The following LARP1B variants were observed in gnomAD, a reference collection of about 807,000 sequenced individuals.
LARP1B encodes la-related protein 1B.
A neutral mutation model predicts 114.2 loss-of-function variants in LARP1B; 76 were observed. The observed-to-expected ratio is 0.67, with a 90% CI of 0.55 to 0.81. The LOEUF is 0.81. LARP1B is among the 30% of genes least tolerant of loss of function. The pLI is 0.00. For synonymous variants in LARP1B, 345 were observed against 348.0 expected, an observed-to-expected ratio of 0.99 and a Z score of 0.10; for missense variants, 1,014 against 1,075.8, an observed-to-expected ratio of 0.94 and a Z score of 0.80.
At position 128,165,747 on chromosome 4, in the gene LARP1B, C is replaced by T. The variant is rs144069008; in HGVS notation, c.1648+3430C>T. Among the ~76,000 whole-genome samples, 75 of 152,180 alleles carry T rather than the reference C, an allele frequency of 4.9e-4. No individual in the cohort carries two copies. The Middle Eastern group carries it at 0.01, about 21-fold the overall frequency. On this transcript the variant is annotated intron_variant, in intron 12 of 19. Coordinates refer to ENST00000326639, the MANE Select transcript of LARP1B (RefSeq NM_018078.4). ...ATATATAAGAGGGGTCAAATCAGTC[C>T]TCATCTTACCTGACATCAGCATTAG...
chr4:128,166,056 A>G (rs72924421), intron 12 of LARP1B, among the ~76,000 whole-genome samples: 4,568 of 152,128 alleles, frequency 0.03, 242 homozygotes, highest in African/African-American at 0.1. Context: ...ATTTCAGACA[A>G]ATATTCAACT....
At chr4:128,204,759 C>T (rs1757085134) in intron 17 of LARP1B, among the ~76,000 whole-genome samples, 3 of 151,736 alleles carry the variant, frequency 2.0e-5, no homozygotes, top group Admixed American at 2.0e-4. Context: ...GGGATGGATA[C>T]TCCATTCCCA....
intron 11 of LARP1B, among the ~76,000 whole-genome samples, chr4:128,148,561 G>A (rs1436483329): frequency 6.6e-6 from 1 of 151,852 alleles, no homozygotes; most frequent in Non-Finnish European, 1.5e-5. Flanking sequence ...AATTTGATGG[G>A]TCTTCCTGTC....
At chr4:128,080,476 A>G (rs1000314426) in intron 4 of LARP1B, among the ~76,000 whole-genome samples, 1 of 152,162 alleles carries the variant, frequency 6.6e-6, no homozygotes, top group African/African-American at 2.4e-5. Context: ...GCCTTTTTAG[A>G]TGCATTTATA....
intron 5 of LARP1B, among the ~76,000 whole-genome samples, chr4:128,083,345 C>A (rs1485694044): frequency 6.6e-6 from 1 of 152,204 alleles, no homozygotes; most frequent in Non-Finnish European, 1.5e-5. Flanking sequence ...ACCTCCCAGA[C>A]GGGGTGGTGG....
intron 5 of LARP1B, among the ~76,000 whole-genome samples, chr4:128,085,101 T>C (rs1445892076): frequency 6.6e-6 from 1 of 152,160 alleles, no homozygotes; most frequent in Non-Finnish European, 1.5e-5. Flanking sequence ...TGACCTCAGG[T>C]GATCCACCCA....
intron 9 of LARP1B, chr4:128,108,284 A>G: frequency 9.6e-7 from 1 of 1,045,354 alleles, no homozygotes; most frequent in Non-Finnish European, 1.2e-6. Flanking sequence ...ATAAAGCAGA[A>G]AAAGAGGGGA....
intron 6 of LARP1B, 41 bp downstream of exon 6, chr4:128,091,185 G>A: frequency 6.3e-7 from 1 of 1,589,554 alleles, no homozygotes. Context: ...GATAAACTTT[G>A]AAAAAAATAG....
intron 15 of LARP1B, among the ~76,000 whole-genome samples, chr4:128,198,097 C>G (rs535268444): frequency 6.6e-6 from 1 of 152,062 alleles, no homozygotes; most frequent in African/African-American, 2.4e-5. Context: ...GTTGGCCAGG[C>G]TGGTCTCGAA....
downstream of LARP1B, among the ~76,000 whole-genome samples, chr4:128,213,883 C>G (rs1759301719): frequency 6.6e-6 from 1 of 151,906 alleles, no homozygotes; most frequent in Non-Finnish European, 1.5e-5. Context: ...GCATTTCCAT[C>G]TGAGGTACCG....
intron 15 of LARP1B, among the ~76,000 whole-genome samples, chr4:128,192,031 T>G (rs1172590530): frequency 6.6e-6 from 1 of 152,208 alleles, no homozygotes; most frequent in African/African-American, 2.4e-5. Flanking sequence ...AGATTTGAGT[T>G]CTGGGATATT....
chr4:128,099,721 C>T (rs1779590803), intron 8 of LARP1B, among the ~76,000 whole-genome samples: 1 of 151,596 alleles, frequency 6.6e-6, no homozygotes, highest in Non-Finnish European at 1.5e-5. Context: ...TATATACACA[C>T]ACACACACAC....
intron 1 of LARP1B, chr4:128,069,052 T>C: frequency 2.0e-6 from 2 of 1,001,908 alleles, no homozygotes; most frequent in Non-Finnish European, 3.0e-6. Context: ...TTGCGCCTTC[T>C]CCAAGCTCCC....
chr4:128,067,211 A>G (rs1219924805), intron 1 of LARP1B, among the ~76,000 whole-genome samples: 22 of 152,188 alleles, frequency 1.4e-4, no homozygotes, highest in Admixed American at 1.4e-3. Flanking sequence ...TTAGTTATCT[A>G]TTAGTGATTG....
intron 7 of LARP1B, chr4:128,092,657 A>T: frequency 5.1e-6 from 2 of 388,588 alleles, no homozygotes; most frequent in African/African-American, 2.2e-5. Context: ...CTACTCTGTT[A>T]CTAGAAAATT....
At chr4:128,114,942 A>G (rs1164097970) in intron 10 of LARP1B, among the ~76,000 whole-genome samples, 200 bp downstream of exon 10, 2 of 149,834 alleles carry the variant, frequency 1.3e-5, no homozygotes, top group Non-Finnish European at 3.0e-5. Context: ...AATGTTATTT[A>G]TTTTTTTTTT....
chr4:128,099,175 CATCTG>C (rs1779369579), intron 8 of LARP1B, among the ~76,000 whole-genome samples: 1 of 151,924 alleles, frequency 6.6e-6, no homozygotes, highest in Non-Finnish European at 1.5e-5. Context: ...AAAAATCTCT[CATCTG>C]GTCTGTTTCT....
intron 5 of LARP1B, among the ~76,000 whole-genome samples, chr4:128,084,591 G>C (rs1299691813): frequency 6.9e-6 from 1 of 144,294 alleles, no homozygotes; most frequent in Non-Finnish European, 1.5e-5. Context: ...TCCAGCTTCG[G>C]CTCGGCATCA....
chr4:128,191,122 T>A (rs11945659), intron 15 of LARP1B, among the ~76,000 whole-genome samples: 4,054 of 152,046 alleles, frequency 0.027, 167 homozygotes, highest in African/African-American at 0.093. Context: ...TTTTTTTTTT[T>A]AATTTCAATC....
Sources: gnomAD v4.1 joint callset for allele counts (sites outside exome capture counted in the v4.1 genomes callset) on GRCh38, gnomAD v4.1.1 for gene constraint, MANE v1.5 for transcripts, NCBI Gene and HGNC (gene_info 2026-07-23, HGNC 2026-07-21) for gene names.